Variants in PSMD11 observed in about 807,000 individuals in gnomAD.
The protein encoded by PSMD11 is proteasome 26S subunit, non-ATPase 11, also known as 26S proteasome non-ATPase regulatory subunit 11.
In PSMD11, 5 loss-of-function variants were observed where a neutral mutation model predicts 62.3. That is an observed-to-expected ratio of 0.08 (90% CI 0.04 to 0.17). PSMD11 has a LOEUF of 0.17. Ranked by LOEUF, PSMD11 falls within the 10% of genes least tolerant of loss-of-function variation. The pLI, the probability that PSMD11 is intolerant of heterozygous loss-of-function variation, is 1.00. For synonymous variants in PSMD11, 191 were observed against 191.8 expected (o/e 1.00, Z 0.03); for missense variants, 310 against 512.9 (o/e 0.60, Z 3.82).
intron 5 of PSMD11, among the ~76,000 whole-genome samples, chr17:32,466,770 G>A (rs895429579): frequency 1.3e-5 from 2 of 152,098 alleles, no homozygotes; most frequent in Admixed American, 6.5e-5. Context: ...CTTTAACATT[G>A]TATGAGGGTT....
At chr17:32,479,400 T>C (rs767764681) in intron 10 of PSMD11, 24 bp downstream of exon 10, 2 of 1,612,436 alleles carry the variant, frequency 1.2e-6, no homozygotes, top group Non-Finnish European at 1.7e-6. Flanking sequence ...GGGGACTCCA[T>C]TTCTGGCCAG....
At chr17:32,477,383 C>A in intron 8 of PSMD11, 138 bp from the exon 9 acceptor site, 4 of 600,658 alleles carry the variant, frequency 6.7e-6, no homozygotes, top group Middle Eastern at 2.7e-4. Context: ...TCTTCCCGGG[C>A]GTCTGAAGAA....
intron 2 of PSMD11, among the ~76,000 whole-genome samples, chr17:32,450,084 C>T (rs1014384871): frequency 1.3e-5 from 2 of 152,102 alleles, no homozygotes; most frequent in African/African-American, 4.8e-5. Context: ...CCTCAGGCTC[C>T]CAAGTGGCTG....
intron 3 of PSMD11, among the ~76,000 whole-genome samples, chr17:32,460,590 G>A (rs555470124): frequency 6.6e-6 from 1 of 152,086 alleles, no homozygotes; most frequent in East Asian, 1.9e-4. Context: ...TGGCTAACAC[G>A]GTGAAACCTT....
chr17:32,458,062 G>A (rs1190938332), intron 3 of PSMD11, among the ~76,000 whole-genome samples: 1 of 152,142 alleles, frequency 6.6e-6, no homozygotes, highest in Admixed American at 6.6e-5. Flanking sequence ...GCCTCCCAGA[G>A]TACTGGGATT....
At chr17:32,467,391 G>C (rs568275950) in intron 5 of PSMD11, among the ~76,000 whole-genome samples, 2 of 151,590 alleles carry the variant, frequency 1.3e-5, no homozygotes. Flanking sequence ...GATTATAGGC[G>C]TGCACCACCA....
Position 32,481,333 on chromosome 17 carries a change from GCCGCCA to G in PSMD11, c.*584_*589del. On this transcript the variant is annotated 3_prime_UTR_variant, in exon 14 of 14. Transcript: ENST00000261712. Reference sequence around the variant, plus strand: ...CAGAGTAGCCGAAGGTCCTGCCGCCGCCGCCACCACCACCACCACTGCAGCAACAAC... The same window carrying G: ...CAGAGTAGCCGAAGGTCCTGCCGCCGCCACCACCACCACTGCAGCAACAAC... 1 of 160,838 alleles carries G rather than the reference GCCGCCA, an allele frequency of 6.2e-6. No individual in the cohort carries two copies. Among genetic ancestry groups the G allele is most frequent in the Non-Finnish European group, 1.4e-5 (1 of 72,836 alleles). 10.0% of individuals were successfully genotyped at this position (160,838 alleles called of 1,614,324 possible).
At chr17:32,458,090 C>A (rs1036087304) in intron 3 of PSMD11, among the ~76,000 whole-genome samples, 1 of 152,142 alleles carries the variant, frequency 6.6e-6, no homozygotes, top group African/African-American at 2.4e-5. Flanking sequence ...TGAGCTACTG[C>A]GCCCAGCTGT....
rs1312538961 is a variant in PSMD11, at chr17:32,481,550, G to A, written c.*798G>A. 1 of 150,874 alleles carries A rather than the reference G, an allele frequency of 6.6e-6. No individual in the cohort carries two copies. The highest frequency in any genetic ancestry group is 1.9e-4 in the East Asian group (1 of 5,144). 9.3% of individuals were successfully genotyped at this position (150,874 alleles called of 1,614,324 possible). On this transcript the variant is annotated 3_prime_UTR_variant, in exon 14 of 14. Transcript: ENST00000261712. ...ACAGTAAACTAGATTAGTCGTCAGT[G>A]TTTTAATTGCCCCTCTTCTCCTCTC...
intron 6 of PSMD11, among the ~76,000 whole-genome samples, chr17:32,471,210 C>G (rs1388165438): frequency 9.2e-5 from 14 of 152,130 alleles, no homozygotes; most frequent in African/African-American, 3.4e-4. Context: ...GCCTCCCAAG[C>G]TTGGAAAGAA....
chr17:32,454,305 G>T (rs967822887), intron 2 of PSMD11, among the ~76,000 whole-genome samples, 190 bp from the exon 3 acceptor site: 3 of 152,166 alleles, frequency 2.0e-5, no homozygotes, highest in South Asian at 2.1e-4. Context: ...TGCAAATTTG[G>T]TATATGATGT....
intron 6 of PSMD11, among the ~76,000 whole-genome samples, chr17:32,473,047 A>C (rs911996147): frequency 1.3e-5 from 2 of 150,602 alleles, no homozygotes; most frequent in Non-Finnish European, 3.0e-5. Flanking sequence ...AATCCCAGCT[A>C]CTTGGGAGGC....
chr17:32,465,899 C>T (rs568613380), intron 5 of PSMD11, among the ~76,000 whole-genome samples: 15 of 152,256 alleles, frequency 9.9e-5, no homozygotes, highest in Non-Finnish European at 1.6e-4. Context: ...CATTTGAACC[C>T]GGGAGGTGGA....
chr17:32,472,695 G>A (rs1908202502), intron 6 of PSMD11, among the ~76,000 whole-genome samples: 1 of 151,934 alleles, frequency 6.6e-6, no homozygotes, highest in African/African-American at 2.4e-5. Flanking sequence ...CCGCCACCAT[G>A]CCTGGCTGGT....
chr17:32,477,429 AGTT>A, intron 8 of PSMD11, 89 bp from the exon 9 acceptor site: 1 of 1,067,164 alleles, frequency 9.4e-7, no homozygotes, highest in African/African-American at 1.6e-5. Context: ...TTTTGGCAGA[AGTT>A]GTGTGGACAC....
At chr17:32,444,682 G>A in intron 1 of PSMD11, 68 bp downstream of exon 1, 1 of 1,582,440 alleles carries the variant, frequency 6.3e-7, no homozygotes, top group African/African-American at 1.4e-5. Context: ...CGGCGGCAGC[G>A]GAGAGGGGCC....
chr17:32,453,462 G>A (rs1597831594), intron 2 of PSMD11, among the ~76,000 whole-genome samples: 1 of 152,166 alleles, frequency 6.6e-6, no homozygotes, highest in Non-Finnish European at 1.5e-5. Flanking sequence ...TTACTGGGGA[G>A]TGAAGGGAAA....
In PSMD11 at chr17:32,481,962, G is replaced by A. The variant is rs1455949305; in HGVS notation, c.*1210G>A. 6.6e-6 allele frequency: 1 copy of A among 152,150 alleles called. No homozygotes were observed. Among genetic ancestry groups the A allele is most frequent in the African/African-American group, 2.4e-5 (1 of 41,436 alleles). 9.4% of individuals were successfully genotyped at this position (152,150 alleles called of 1,614,324 possible). Reference sequence around the variant, plus strand: ...TTTTCTGACACGATTACACAGCGAGGCTTTAATGCCATTTGGGTAGGTGAG... The same window carrying A: ...TTTTCTGACACGATTACACAGCGAGACTTTAATGCCATTTGGGTAGGTGAG... On this transcript the variant is annotated 3_prime_UTR_variant, in exon 14 of 14. Transcript: ENST00000261712.
At chr17:32,455,001 G>A in intron 3 of PSMD11, 1 of 187,400 alleles carries the variant, frequency 5.3e-6, no homozygotes, top group Non-Finnish European at 1.1e-5. Flanking sequence ...GTTTTGTACT[G>A]CATATATGCC....
Sources: gnomAD v4.1 joint callset for allele counts (sites outside exome capture counted in the v4.1 genomes callset) on GRCh38, gnomAD v4.1.1 for gene constraint, MANE v1.5 for transcripts, NCBI Gene and HGNC (gene_info 2026-07-23, HGNC 2026-07-21) for gene names.